NTRK2: variants seen among roughly 807,000 people sequenced by gnomAD.
NTRK2 encodes neurotrophic receptor tyrosine kinase 2, also known as BDNF/NT-3 growth factors receptor.
NTRK2 carries 13 observed loss-of-function variants against 94.5 expected under a neutral mutation model. The observed-to-expected ratio is 0.14, with a 90% CI of 0.09 to 0.22. The LOEUF (loss-of-function observed/expected upper bound fraction) is 0.22, where lower values mean the gene tolerates loss of function less well. Among genes scored for constraint, NTRK2 ranks in the 10% least tolerant of loss-of-function variants. The pLI is 1.00. For synonymous variants in NTRK2, 372 were observed against 407.4 expected (o/e 0.91, Z 1.05); for missense variants, 639 against 1,071.2 (o/e 0.60, Z 5.63).
intron 12 of NTRK2, among the ~76,000 whole-genome samples, chr9:84,831,882 G>T (rs1055390595): frequency 6.6e-6 from 1 of 152,196 alleles, no homozygotes; most frequent in African/African-American, 2.4e-5. Flanking sequence ...CTGATTCAAA[G>T]TAAGATAAAC....
chr9:84,788,024 A>C (rs549576565), intron 12 of NTRK2, among the ~76,000 whole-genome samples: 116 of 152,318 alleles, frequency 7.6e-4, no homozygotes, highest in African/African-American at 2.6e-3. Context: ...TAAATGAATT[A>C]ATATATGATA....
At chr9:84,812,759 A>G (rs1010203269) in intron 12 of NTRK2, 2 of 1,039,990 alleles carry the variant, frequency 1.9e-6, no homozygotes, top group Non-Finnish European at 2.3e-6. Flanking sequence ...TCCAGACCCA[A>G]AAAGGAAAAA....
intron 17 of NTRK2, among the ~76,000 whole-genome samples, chr9:84,993,852 T>C (rs552747675): frequency 1.3e-5 from 2 of 152,270 alleles, no homozygotes; most frequent in East Asian, 3.9e-4. Flanking sequence ...ATCTAGATGA[T>C]TTTTCCTCCT....
intron 13 of NTRK2, among the ~76,000 whole-genome samples, chr9:84,861,892 AC>A (rs2075356940): frequency 6.6e-6 from 1 of 152,144 alleles, no homozygotes; most frequent in African/African-American, 2.4e-5. Context: ...GGGGAAATGT[AC>A]CAATGTCAGG....
At chr9:84,730,766 G>GAAAAAAAAAAA (rs2062810890) in intron 9 of NTRK2, among the ~76,000 whole-genome samples, 1 of 7,916 alleles carries the variant, frequency 1.3e-4, no homozygotes, top group African/African-American at 5.5e-4. Flanking sequence ...AAAAACTAAA[G>GAAAAAAAAAAA]AAAAATAAAC....
chr9:84,900,493 A>G (rs1247828386), intron 14 of NTRK2, among the ~76,000 whole-genome samples: 2 of 152,202 alleles, frequency 1.3e-5, no homozygotes, highest in Non-Finnish European at 2.9e-5. Flanking sequence ...CATGAAAAGT[A>G]CTGAGAATAC....
intron 16 of NTRK2, among the ~76,000 whole-genome samples, chr9:84,952,344 G>A (rs557089107): frequency 6.6e-6 from 1 of 152,350 alleles, no homozygotes; most frequent in East Asian, 1.9e-4. Flanking sequence ...AGTTGGTGCA[G>A]TGCCGGCTGT....
chr9:84,698,399 A>G lies in NTRK2; in HGVS notation c.213-3760A>G, dbSNP rs575665451. Among the ~76,000 whole-genome samples, 4 of 152,068 alleles carry G rather than the reference A, an allele frequency of 2.6e-5. No individual in the cohort carries two copies. In the South Asian group the frequency reaches 8.3e-4, roughly 31 times the overall value. ...GATTTAATCTAATATATATATATATATATCACCTTATTTTAAACAATGTCT... is the reference window on the plus strand; with the variant it reads ...GATTTAATCTAATATATATATATATGTATCACCTTATTTTAAACAATGTCT... On this transcript the variant is annotated intron_variant, in intron 2 of 18. Transcript: ENST00000277120.
chr9:84,926,169 C>CTTG (rs2077789303), intron 14 of NTRK2, among the ~76,000 whole-genome samples: 12 of 38,566 alleles, frequency 3.1e-4, no homozygotes, highest in African/African-American at 1.1e-3. Context: ...TTCCTTCCTT[C>CTTG]CTTTCTTTCT....
At chr9:84,691,716 A>G (rs1411627273) in intron 2 of NTRK2, among the ~76,000 whole-genome samples, 1 of 152,100 alleles carries the variant, frequency 6.6e-6, no homozygotes, top group African/African-American at 2.4e-5. Context: ...ACTGCCCCAG[A>G]ACTTAGACAA....
At chr9:85,005,686 C>T (rs993580800) in intron 17 of NTRK2, among the ~76,000 whole-genome samples, 14 of 152,148 alleles carry the variant, frequency 9.2e-5, no homozygotes, top group African/African-American at 3.4e-4. Context: ...GAAGCTGTTC[C>T]TGGCTCTGGG....
intron 2 of NTRK2, among the ~76,000 whole-genome samples, chr9:84,691,892 G>A: frequency 6.6e-6 from 1 of 152,156 alleles, no homozygotes; most frequent in East Asian, 1.9e-4. Context: ...CCTCTTGTGA[G>A]CCTGCCAGGA....
At chr9:84,687,054 G>A (rs1291682212) in intron 2 of NTRK2, among the ~76,000 whole-genome samples, 2 of 152,250 alleles carry the variant, frequency 1.3e-5, no homozygotes, top group Admixed American at 6.5e-5. Flanking sequence ...TTTAAAAAAT[G>A]AATGGGAATT....
At chr9:84,971,489 C>T (rs1276836645) in intron 17 of NTRK2, among the ~76,000 whole-genome samples, 2 of 152,170 alleles carry the variant, frequency 1.3e-5, no homozygotes, top group African/African-American at 4.8e-5. Context: ...GCCCTGGGCT[C>T]CTTCCCCACT....
At chr9:84,970,427 T>C (rs1371629396) in intron 17 of NTRK2, among the ~76,000 whole-genome samples, 1 of 151,948 alleles carries the variant, frequency 6.6e-6, no homozygotes, top group Non-Finnish European at 1.5e-5. Flanking sequence ...ATAATAATAA[T>C]AATACCTTCT....
At chr9:84,945,858 C>A (rs1218092453) in intron 15 of NTRK2, among the ~76,000 whole-genome samples, 1 of 152,214 alleles carries the variant, frequency 6.6e-6, no homozygotes, top group Non-Finnish European at 1.5e-5. Context: ...TATAAAGACA[C>A]TTCTCAGAAA....
chr9:84,673,650 T>TA (rs892659074), intron 2 of NTRK2, among the ~76,000 whole-genome samples: 2 of 151,984 alleles, frequency 1.3e-5, no homozygotes, highest in African/African-American at 4.8e-5. Flanking sequence ...AGTGGGACAT[T>TA]AAAAAAAATG....
chr9:84,954,605 G>A (rs1425665775), intron 16 of NTRK2, among the ~76,000 whole-genome samples: 9 of 152,190 alleles, frequency 5.9e-5, no homozygotes, highest in Admixed American at 5.9e-4. Context: ...AGAAGGAAAT[G>A]GTATTTTGTA....
At chr9:84,782,280 A>C (rs902085662) in intron 12 of NTRK2, among the ~76,000 whole-genome samples, 1 of 152,204 alleles carries the variant, frequency 6.6e-6, no homozygotes, top group African/African-American at 2.4e-5. Flanking sequence ...TTCTAATCTG[A>C]ACATACTTGA....
Sources: allele counts gnomAD v4.1 joint callset (sites outside exome capture counted in the v4.1 genomes callset), GRCh38; gene constraint gnomAD v4.1.1; transcripts MANE v1.5; gene names NCBI Gene and HGNC (gene_info 2026-07-23, HGNC 2026-07-21).